Variants in CNKSR3 observed in about 807,000 individuals in gnomAD.
CNKSR3 encodes CNKSR family member 3, also known as connector enhancer of kinase suppressor of ras 3.
A neutral mutation model predicts 67.7 loss-of-function variants in CNKSR3; 36 were observed. The observed-to-expected ratio is 0.53, with a 90% CI of 0.41 to 0.70. The LOEUF is 0.70. Ranked by LOEUF, CNKSR3 falls within the 30% of genes least tolerant of loss-of-function variation. The probability of loss-of-function intolerance (pLI) is 0.00; values close to 1 mark genes in which losing one functional copy is unlikely to be tolerated. For synonymous variants in CNKSR3, 281 were observed against 271.4 expected (o/e 1.04, Z -0.35); for missense variants, 630 against 695.2 (o/e 0.91, Z 1.05).
intron 2 of CNKSR3, among the ~76,000 whole-genome samples, chr6:154,443,289 A>G (rs1785641053): frequency 6.6e-6 from 1 of 152,034 alleles, no homozygotes; most frequent in Non-Finnish European, 1.5e-5. Flanking sequence ...AGGTTTCTCA[A>G]CCTCAGCCCT....
At chr6:154,448,428 T>C (rs1339535538) in intron 2 of CNKSR3, among the ~76,000 whole-genome samples, 1 of 104,548 alleles carries the variant, frequency 9.6e-6, no homozygotes. Context: ...CTCAAACACG[T>C]TTGTACAAAA....
At chr6:154,462,750 G>A (rs1233289762) in intron 1 of CNKSR3, among the ~76,000 whole-genome samples, 1 of 152,140 alleles carries the variant, frequency 6.6e-6, no homozygotes, top group Non-Finnish European at 1.5e-5. Flanking sequence ...GCTGGCCACG[G>A]TATATGAAGG....
At chr6:154,429,541 A>C (rs1785322364) in intron 6 of CNKSR3, among the ~76,000 whole-genome samples, 2 of 152,170 alleles carry the variant, frequency 1.3e-5, no homozygotes, top group African/African-American at 4.8e-5. Context: ...GTTTAAACTT[A>C]ATCTGATATA....
intron 4 of CNKSR3, among the ~76,000 whole-genome samples, chr6:154,436,054 A>T (rs1785465945): frequency 6.6e-6 from 1 of 152,234 alleles, no homozygotes; most frequent in African/African-American, 2.4e-5. Flanking sequence ...GCATGTGTCA[A>T]GCGTGGATGC....
intron 1 of CNKSR3, among the ~76,000 whole-genome samples, chr6:154,462,275 CA>C (rs1562344083): frequency 6.9e-6 from 1 of 144,588 alleles, no homozygotes; most frequent in African/African-American, 2.5e-5. Flanking sequence ...AAGTTCCCCC[CA>C]CCCTGTCAGT....
chr6:154,444,483 C>T (rs997260957), intron 2 of CNKSR3, among the ~76,000 whole-genome samples: 1 of 152,066 alleles, frequency 6.6e-6, no homozygotes, highest in African/African-American at 2.4e-5. Context: ...CATGATAAGA[C>T]AGATGACAAG....
chr6:154,492,976 C>G (rs984013065), intron 1 of CNKSR3, among the ~76,000 whole-genome samples: 8 of 152,028 alleles, frequency 5.3e-5, no homozygotes, highest in African/African-American at 1.9e-4. Flanking sequence ...GCCATGGCAT[C>G]CGAACTAGTT....
chr6:154,441,367 T>C lies in CNKSR3; in HGVS notation c.432A>G (p.Thr144=), dbSNP rs1242555059. The change falls in exon 4 of 13, where the codon ACA becomes ACG. Residue 144 remains threonine, a synonymous_variant. Coordinates refer to ENST00000607772, the MANE Select transcript of CNKSR3 (RefSeq NM_173515.4). ...LLAWLDRAPF[T]GITDFSVTKN... is the part of the protein sequence containing the mutation. Reference sequence around the variant, plus strand: ...TCGTGACTGAGAAATCAGTGATCCCTGTAAACGGAGCCCTAGAAGGTAGCA... The same window carrying C: ...TCGTGACTGAGAAATCAGTGATCCCCGTAAACGGAGCCCTAGAAGGTAGCA... The C allele has an allele frequency of 2.5e-6, 4 of 1,613,586 alleles. No homozygotes were observed. Among genetic ancestry groups the C allele is most frequent in the Non-Finnish European group, 3.4e-6 (4 of 1,179,780 alleles).
intron 1 of CNKSR3, among the ~76,000 whole-genome samples, chr6:154,454,313 A>T (rs1562340324): frequency 6.6e-6 from 1 of 152,190 alleles, no homozygotes; most frequent in Non-Finnish European, 1.5e-5. Flanking sequence ...ACACCATGGA[A>T]CACACAGTAA....
Position 154,420,884 on chromosome 6 carries a change from A to G in CNKSR3, c.945+1622T>C, listed in dbSNP as rs574253628. On this transcript the variant is annotated intron_variant, in intron 9 of 12. Coordinates refer to ENST00000607772, the MANE Select transcript of CNKSR3 (RefSeq NM_173515.4). ...CAAAACATTGTGTTGTACAATATAA[A>G]TAGATACAATTTGTATCTGTCAATT... 1.7e-4 allele frequency among the ~76,000 whole-genome samples: 26 copies of G among 152,320 alleles called. 1 individual carries two copies. In the South Asian group the frequency reaches 5.4e-3, roughly 32 times the overall value.
At chr6:154,469,646 A>G (rs1786280182) in intron 1 of CNKSR3, among the ~76,000 whole-genome samples, 1 of 152,224 alleles carries the variant, frequency 6.6e-6, no homozygotes, top group Non-Finnish European at 1.5e-5. Flanking sequence ...TTAAGATGTA[A>G]TTCATGTACC....
At chr6:154,468,208 C>A (rs969426117) in intron 1 of CNKSR3, among the ~76,000 whole-genome samples, 4 of 151,442 alleles carry the variant, frequency 2.6e-5, no homozygotes, top group Admixed American at 6.6e-5. Flanking sequence ...TCCTCCCAAG[C>A]AGCCAGGATT....
At chr6:154,504,506 T>C (rs1787058940) in intron 1 of CNKSR3, among the ~76,000 whole-genome samples, 1 of 152,218 alleles carries the variant, frequency 6.6e-6, no homozygotes, top group Admixed American at 6.5e-5. Flanking sequence ...GGATACAAAC[T>C]GAGTCCGGCT....
At chr6:154,506,726 A>G (rs1207741982) in intron 1 of CNKSR3, among the ~76,000 whole-genome samples, 5 of 152,260 alleles carry the variant, frequency 3.3e-5, no homozygotes, top group African/African-American at 1.2e-4. Context: ...CTAACCCTAC[A>G]CGTTGTAAAA....
chr6:154,504,511 C>G (rs1787059021), intron 1 of CNKSR3, among the ~76,000 whole-genome samples: 2 of 152,276 alleles, frequency 1.3e-5, no homozygotes, highest in East Asian at 3.9e-4. Flanking sequence ...CAAACTGAGT[C>G]CGGCTCCAGA....
At chr6:154,420,185 T>C (rs1785109292) in intron 9 of CNKSR3, among the ~76,000 whole-genome samples, 1 of 150,204 alleles carries the variant, frequency 6.7e-6, no homozygotes, top group Non-Finnish European at 1.5e-5. Context: ...GCCAGGCACA[T>C]GTAGACAAAT....
rs67203207 is a variant in CNKSR3, at chr6:154,394,614, T to TAAAAAAAAAAA, written c.*11729_*11739dup. The TAAAAAAAAAAA allele has an allele frequency of 3.0e-5, 2 of 67,776 alleles. No homozygotes were observed. The highest frequency in any genetic ancestry group is 6.6e-5 in the Non-Finnish European group (2 of 30,076). The allele number at this position is 67,776 out of a possible 1,614,324, so 4.2% of individuals were successfully genotyped here. ...TATAGCATGAGCCTAATACAAGAAGTAAAAAAAAAAAAAAAAAAAAAGAAG... is the reference window on the plus strand; with the variant it reads ...TATAGCATGAGCCTAATACAAGAAGTAAAAAAAAAAAAAAAAAAAAAAAAAAAAAAAAGAAG... On this transcript the variant is annotated 3_prime_UTR_variant, in exon 13 of 13. Coordinates refer to ENST00000607772, the MANE Select transcript of CNKSR3 (RefSeq NM_173515.4).
chr6:154,440,123 C>T (rs1282539211), intron 4 of CNKSR3, among the ~76,000 whole-genome samples: 1 of 152,186 alleles, frequency 6.6e-6, no homozygotes, highest in Non-Finnish European at 1.5e-5. Flanking sequence ...TTGCTCTGAG[C>T]ACCTTTCTAA....
rs35213451 is a variant in CNKSR3, at chr6:154,420,225, T to TA, written c.945+2280dup. 9.0e-4 allele frequency among the ~76,000 whole-genome samples: 131 copies of TA among 145,350 alleles called. 1 individual carries two copies. Among genetic ancestry groups the TA allele is most frequent in the Admixed American group, 4.7e-3 (69 of 14,620 alleles). ...CATGATCTCACTTATATGTGGAATC[T>TA]AAAAAAAAAAAAAAAAATTGAACTC... On this transcript the variant is annotated intron_variant, in intron 9 of 12. Coordinates refer to ENST00000607772, the MANE Select transcript of CNKSR3 (RefSeq NM_173515.4).
Sources: gnomAD v4.1 joint callset for allele counts (sites outside exome capture counted in the v4.1 genomes callset) on GRCh38, gnomAD v4.1.1 for gene constraint, MANE v1.5 for transcripts, NCBI Gene and HGNC (gene_info 2026-07-23, HGNC 2026-07-21) for gene names.